The following DPP6 variants were observed in gnomAD, a reference collection of about 807,000 sequenced individuals.
The protein encoded by DPP6 is dipeptidyl peptidase like 6.
A neutral mutation model predicts 122.6 loss-of-function variants in DPP6; 69 were observed. That is an observed-to-expected ratio of 0.56 (90% CI 0.46 to 0.69). The LOEUF is 0.69. Among genes scored for constraint, DPP6 ranks in the 30% least tolerant of loss-of-function variants. The probability of loss-of-function intolerance (pLI) is 0.00; values close to 1 mark genes in which losing one functional copy is unlikely to be tolerated. For missense variants in DPP6, 928 were observed against 1,116.9 expected, an observed-to-expected ratio of 0.83 and a Z score of 2.41; for synonymous variants, 418 against 433.1, an observed-to-expected ratio of 0.97 and a Z score of 0.43.
At chr7:154,599,125 G>A (rs1833271422) in intron 5 of DPP6, among the ~76,000 whole-genome samples, 1 of 152,172 alleles carries the variant, frequency 6.6e-6, no homozygotes. Context: ...CATCTTTATA[G>A]AGCAATGTGT....
the DPP6 span, among the ~76,000 whole-genome samples, chr7:153,815,371 T>A: frequency 6.6e-6 from 1 of 152,182 alleles, no homozygotes; most frequent in Non-Finnish European, 1.5e-5. Context: ...GAGGAAATTT[T>A]TTTTTTATTA....
chr7:154,289,602 G>A (rs1021329969), intron 1 of DPP6, among the ~76,000 whole-genome samples: 1 of 152,198 alleles, frequency 6.6e-6, no homozygotes, highest in East Asian at 1.9e-4. Context: ...ATGAAACCCA[G>A]TGTGGGACAA....
Position 154,893,708 on chromosome 7 carries a change from G to C in DPP6, c.*1228G>C, listed in dbSNP as rs62472998. 6.6e-6 allele frequency: 1 copy of C among 152,118 alleles called. No homozygotes were observed. Among genetic ancestry groups the C allele is most frequent in the Non-Finnish European group, 1.5e-5 (1 of 68,054 alleles). The allele number at this position is 152,118 out of a possible 1,614,324, so 9.4% of individuals were successfully genotyped here. ...TTCCCAGTGTATATTTCATTCTCTTGTATATAAAGGAAGCAATGTGTGTCA... is the reference window on the plus strand; with the variant it reads ...TTCCCAGTGTATATTTCATTCTCTTCTATATAAAGGAAGCAATGTGTGTCA... On this transcript the variant is annotated 3_prime_UTR_variant, in exon 26 of 26. Coordinates refer to ENST00000377770, the MANE Select transcript of DPP6 (RefSeq NM_130797.4).
At chr7:154,335,856 A>G (rs903604942) in intron 1 of DPP6, among the ~76,000 whole-genome samples, 7 of 151,972 alleles carry the variant, frequency 4.6e-5, no homozygotes, top group African/African-American at 1.7e-4. Context: ...GGATATATTT[A>G]AAGAGGTGTT....
At chr7:154,550,640 T>C (rs557060439) in intron 4 of DPP6, among the ~76,000 whole-genome samples, 1 of 152,322 alleles carries the variant, frequency 6.6e-6, no homozygotes, top group African/African-American at 2.4e-5. Flanking sequence ...TATGTTGATT[T>C]GGTACCAGGT....
chr7:154,481,044 G>A lies in DPP6; in HGVS notation c.457+6007G>A, dbSNP rs775420223. 1.1e-4 allele frequency among the ~76,000 whole-genome samples: 16 copies of A among 152,062 alleles called. No homozygotes were observed. Among genetic ancestry groups the A allele is most frequent in the Admixed American group, 4.6e-4 (7 of 15,272 alleles). On this transcript the variant is annotated intron_variant, in intron 3 of 25. Transcript: ENST00000377770. This position sits in a 1 kb window ranked among gnomAD's most constrained non-coding sequence, Gnocchi z 4.2. ...TGGCAGACTTGGCATCAGTCCACTC[G>A]GAGGGTTGGAGGGCTGGACTCAAGC...
chr7:153,873,228 G>A, the DPP6 span, among the ~76,000 whole-genome samples: 5 of 152,312 alleles, frequency 3.3e-5, no homozygotes, highest in East Asian at 9.6e-4. Flanking sequence ...CCCCCACCAA[G>A]GAGGGCATCA....
At chr7:154,725,709 C>A (rs1842033232) in intron 7 of DPP6, among the ~76,000 whole-genome samples, 1 of 152,332 alleles carries the variant, frequency 6.6e-6, no homozygotes, top group South Asian at 2.1e-4. Context: ...TTTCAAAATA[C>A]AATCATGCCT....
intron 1 of DPP6, among the ~76,000 whole-genome samples, chr7:154,153,552 G>T (rs921533090): frequency 2.6e-5 from 4 of 152,166 alleles, no homozygotes; most frequent in Non-Finnish European, 4.4e-5. Context: ...AAAGATGGGT[G>T]CTTCTGAAAT....
At chr7:154,313,459 C>CGAGAG (rs1211653764) in intron 1 of DPP6, among the ~76,000 whole-genome samples, 1 of 151,646 alleles carries the variant, frequency 6.6e-6, no homozygotes, top group African/African-American at 2.4e-5. Context: ...GAACGTGGCA[C>CGAGAG]GAGAGGCTCT....
intron 16 of DPP6, among the ~76,000 whole-genome samples, chr7:154,844,135 C>T (rs577977755): frequency 6.6e-6 from 1 of 152,236 alleles, no homozygotes; most frequent in Non-Finnish European, 1.5e-5. Flanking sequence ...GATGGATTGT[C>T]TTACAGGCAT....
chr7:154,264,368 T>A (rs955620508), intron 1 of DPP6, among the ~76,000 whole-genome samples: 2 of 152,188 alleles, frequency 1.3e-5, no homozygotes, highest in African/African-American at 4.8e-5. Flanking sequence ...TTATTTGGTG[T>A]CACATAACGA....
At chr7:154,243,903 G>A (rs1023917547) in intron 1 of DPP6, among the ~76,000 whole-genome samples, 5 of 151,766 alleles carry the variant, frequency 3.3e-5, no homozygotes, top group African/African-American at 7.3e-5. Flanking sequence ...CAAACAAACC[G>A]TATCTCAGTG....
the DPP6 span, among the ~76,000 whole-genome samples, chr7:153,853,366 GTATT>G: frequency 6.6e-6 from 1 of 152,168 alleles, no homozygotes; most frequent in African/African-American, 2.4e-5. Flanking sequence ...GTGTTAAACT[GTATT>G]TATTTATGTC....
intron 1 of DPP6, among the ~76,000 whole-genome samples, chr7:154,441,448 T>A (rs10232383): frequency 0.38 from 57,133 of 152,044 alleles, 11,359 homozygotes; most frequent in African/African-American, 0.47. Flanking sequence ...ATAACACCTA[T>A]GCAATCAGTT....
chr7:154,675,590 T>C (rs545199055), intron 7 of DPP6, among the ~76,000 whole-genome samples: 14 of 152,256 alleles, frequency 9.2e-5, no homozygotes, highest in African/African-American at 3.4e-4. Context: ...TATGCACTCG[T>C]TTGTTTACGG....
At chr7:154,884,227 TCA>T (rs142035803) in intron 21 of DPP6, 46,884 of 144,172 alleles carry the variant, frequency 0.33, 7,762 homozygotes, top group East Asian at 0.51. Flanking sequence ...ATGCACCTGC[TCA>T]CACACACACA....
intron 1 of DPP6, among the ~76,000 whole-genome samples, chr7:153,913,129 C>T (rs375417374): frequency 6.6e-5 from 10 of 152,278 alleles, no homozygotes; most frequent in East Asian, 3.9e-4. Flanking sequence ...GACTGGAGTG[C>T]GGTGGCACGA....
intron 1 of DPP6, among the ~76,000 whole-genome samples, chr7:154,299,299 C>A (rs1324616882): frequency 6.6e-6 from 1 of 152,138 alleles, no homozygotes; most frequent in Non-Finnish European, 1.5e-5. Context: ...AAGTAATGGG[C>A]GTGCAAGAGA....
Sources: allele counts gnomAD v4.1 joint callset (sites outside exome capture counted in the v4.1 genomes callset), GRCh38; gene constraint gnomAD v4.1.1; non-coding constraint Gnocchi (gnomAD v3.1); transcripts MANE v1.5; gene names NCBI Gene and HGNC (gene_info 2026-07-23, HGNC 2026-07-21).